Variants in APPBP2 observed in about 807,000 individuals in gnomAD.
APPBP2 encodes amyloid protein-binding protein 2.
APPBP2 carries 15 observed loss-of-function variants against 76.0 expected under a neutral mutation model. The observed-to-expected ratio is 0.20, with a 90% confidence interval of 0.13 to 0.30. APPBP2 has a LOEUF of 0.30. Ranked by LOEUF, APPBP2 falls within the 10% of genes least tolerant of loss-of-function variation. The pLI is 1.00. For missense variants in APPBP2, 401 were observed against 687.2 expected (o/e 0.58, Z 4.66); for synonymous variants, 222 against 242.2 (o/e 0.92, Z 0.77).
chr17:60,455,814 G>A (rs1278205486), intron 10 of APPBP2, among the ~76,000 whole-genome samples: 1 of 133,428 alleles, frequency 7.5e-6, no homozygotes, highest in Non-Finnish European at 1.5e-5. Context: ...GTCTCGTTCT[G>A]TTGCCTAGGC....
Position 60,447,388 on chromosome 17 carries a change from G to A in APPBP2, c.*193C>T. 1 of 515,172 alleles carries A rather than the reference G, an allele frequency of 1.9e-6. No homozygotes were observed. Among genetic ancestry groups the A allele is most frequent in the East Asian group, 3.1e-5 (1 of 31,910 alleles). The allele number at this position is 515,172 out of a possible 1,614,324, so 31.9% of individuals were successfully genotyped here. On this transcript the variant is annotated 3_prime_UTR_variant, in exon 13 of 13. Coordinates refer to ENST00000083182, the MANE Select transcript of APPBP2 (RefSeq NM_006380.5). ...CAGACTACTTACACATGCGGTACAT[G>A]CTGAATATAACTGAATATATGCTTA...
At chr17:60,448,911 A>G (rs2090370444) in intron 12 of APPBP2, among the ~76,000 whole-genome samples, 1 of 152,362 alleles carries the variant, frequency 6.6e-6, no homozygotes. Context: ...TTCTAATTAC[A>G]GTACGTTAAT....
At chr17:60,506,632 A>G (rs1010140621) in intron 1 of APPBP2, among the ~76,000 whole-genome samples, 2 of 152,228 alleles carry the variant, frequency 1.3e-5, no homozygotes, top group Non-Finnish European at 2.9e-5. Context: ...TGTTAAATAT[A>G]TTATTCCATC....
At chr17:60,475,140 A>C (rs1403765233) in intron 4 of APPBP2, among the ~76,000 whole-genome samples, 1 of 151,990 alleles carries the variant, frequency 6.6e-6, no homozygotes, top group African/African-American at 2.4e-5. Flanking sequence ...TGAGGCAGAA[A>C]AATCATTTAA....
At chr17:60,505,012 C>G (rs774641721) in intron 1 of APPBP2, among the ~76,000 whole-genome samples, 6 of 152,046 alleles carry the variant, frequency 3.9e-5, no homozygotes, top group Non-Finnish European at 7.4e-5. Flanking sequence ...TGAACAAGTT[C>G]CTGAAACGTG....
At chr17:60,491,575 G>A (rs1416588182) in intron 3 of APPBP2, among the ~76,000 whole-genome samples, 1 of 152,072 alleles carries the variant, frequency 6.6e-6, no homozygotes, top group African/African-American at 2.4e-5. Flanking sequence ...CTCCCGAGTA[G>A]CTGAGATTAC....
Position 60,447,574 on chromosome 17 carries a change from T to A in APPBP2, c.*7A>T. ...GGAAAAGGTAATTGGTTAACTGAGG[T>A]CCTCCCTCAGCAGCTCGGTCCCTCG... On this transcript the variant is annotated 3_prime_UTR_variant, in exon 13 of 13. Coordinates refer to ENST00000083182, the MANE Select transcript of APPBP2 (RefSeq NM_006380.5). The A allele has an allele frequency of 6.3e-7, 1 of 1,599,936 alleles. No homozygotes were observed. The highest frequency in any genetic ancestry group is 1.1e-5 in the South Asian group (1 of 89,646).
At chr17:60,512,832 T>TAAAAAAA (rs770075935) in intron 1 of APPBP2, among the ~76,000 whole-genome samples, 1 of 29,914 alleles carries the variant, frequency 3.3e-5, no homozygotes, top group African/African-American at 1.3e-4. Context: ...AGACTCCATC[T>TAAAAAAA]AAAAAAAAAA....
In APPBP2 at chr17:60,526,031, G is replaced by T. The variant is rs1598381755; in HGVS notation, c.-100C>A. ...CTGCGGCCCCGGAGGATTCGGAGGG[G>T]CGGTGGCAGCCACGCGGGCGCACGG... On this transcript the variant is annotated 5_prime_UTR_variant, in exon 1 of 13. Transcript: ENST00000083182. 1.6e-6 allele frequency: 2 copies of T among 1,249,762 alleles called. No homozygotes were observed. The highest frequency in any genetic ancestry group is 2.6e-5 in the East Asian group (1 of 38,544). The allele number at this position is 1,249,762 out of a possible 1,614,324, so 77.4% of individuals were successfully genotyped here. A position where few individuals can be genotyped will look rare whatever the true frequency, so the allele number is the denominator to read the frequency against.
chr17:60,514,716 C>A (rs748798705), intron 1 of APPBP2, among the ~76,000 whole-genome samples: 17 of 152,242 alleles, frequency 1.1e-4, no homozygotes, highest in African/African-American at 3.1e-4. Context: ...AAGAAAAATT[C>A]TTTAAATTGT....
chr17:60,524,854 G>A (rs1374827853), intron 1 of APPBP2, among the ~76,000 whole-genome samples: 3 of 152,176 alleles, frequency 2.0e-5, no homozygotes, highest in African/African-American at 7.2e-5. Flanking sequence ...AGTTATCGAC[G>A]CGGATTCAAG....
chr17:60,449,583 G>A (rs775091717), intron 12 of APPBP2, among the ~76,000 whole-genome samples: 3 of 151,964 alleles, frequency 2.0e-5, no homozygotes, highest in Non-Finnish European at 4.4e-5. Flanking sequence ...ACGACACAGC[G>A]AGACTCTTGT....
intron 1 of APPBP2, among the ~76,000 whole-genome samples, chr17:60,514,881 G>T (rs138688845): frequency 6.6e-6 from 1 of 152,154 alleles, no homozygotes; most frequent in Non-Finnish European, 1.5e-5. Context: ...TCAGCTCATT[G>T]CAACTGCCAC....
At position 60,443,866 on chromosome 17, in the gene APPBP2, T is replaced by C. The variant is rs1204049225; in HGVS notation, c.*3715A>G. 6.5e-6 allele frequency: 1 copy of C among 152,676 alleles called. No individual in the cohort carries two copies. The highest frequency in any genetic ancestry group is 1.5e-5 in the Non-Finnish European group (1 of 68,042). The allele number at this position is 152,676 out of a possible 1,614,324, so 9.5% of individuals were successfully genotyped here. A position where few individuals can be genotyped will look rare whatever the true frequency, so the allele number is the denominator to read the frequency against. On this transcript the variant is annotated 3_prime_UTR_variant, in exon 13 of 13. Coordinates refer to ENST00000083182, the MANE Select transcript of APPBP2 (RefSeq NM_006380.5). Reference sequence around the variant, plus strand: ...TCCTAAAGCACACTCCTTCTGATTATCAACAGGGTAAAACCAGTTTTCTGC... The same window carrying C: ...TCCTAAAGCACACTCCTTCTGATTACCAACAGGGTAAAACCAGTTTTCTGC...
intron 1 of APPBP2, among the ~76,000 whole-genome samples, chr17:60,503,148 G>A (rs2090836219): frequency 6.9e-6 from 1 of 144,588 alleles, no homozygotes; most frequent in Non-Finnish European, 1.5e-5. Flanking sequence ...GAATAGCCTG[G>A]ACTACCGGCG....
intron 1 of APPBP2, 30 bp downstream of exon 1, chr17:60,525,764 G>A (rs1340339173): frequency 1.2e-6 from 2 of 1,613,040 alleles, no homozygotes; most frequent in East Asian, 2.2e-5. Flanking sequence ...GTTGCTGGAG[G>A]AGAGCAGAGA....
chr17:60,506,045 G>A (rs1057498443), intron 1 of APPBP2, among the ~76,000 whole-genome samples: 5 of 151,044 alleles, frequency 3.3e-5, no homozygotes, highest in African/African-American at 1.2e-4. Context: ...GAGGGCAGTG[G>A]CATGATCATG....
chr17:60,487,521 C>T (rs370599619), intron 3 of APPBP2, among the ~76,000 whole-genome samples: 11 of 152,216 alleles, frequency 7.2e-5, no homozygotes, highest in East Asian at 5.8e-4. Flanking sequence ...ATGTAGTTCT[C>T]GCGCCATGGT....
chr17:60,474,795 T>C (rs2090577439), intron 4 of APPBP2, among the ~76,000 whole-genome samples: 1 of 152,224 alleles, frequency 6.6e-6, no homozygotes, highest in South Asian at 2.1e-4. Context: ...TTGTTCTTCA[T>C]TCTCTTCCTA....
Sources: gnomAD v4.1 joint callset for allele counts (sites outside exome capture counted in the v4.1 genomes callset) on GRCh38, gnomAD v4.1.1 for gene constraint, MANE v1.5 for transcripts, NCBI Gene and HGNC (gene_info 2026-07-23, HGNC 2026-07-21) for gene names.